The following ARHGEF12 variants were observed in gnomAD, a reference collection of about 807,000 sequenced individuals.
ARHGEF12 encodes the protein Rho guanine nucleotide exchange factor 12.
A neutral mutation model predicts 211.2 loss-of-function variants in ARHGEF12; 66 were observed. The observed-to-expected ratio is 0.31, with a 90% CI of 0.26 to 0.38. ARHGEF12 has a LOEUF of 0.38. ARHGEF12 is among the 10% of genes least tolerant of loss of function. The probability of loss-of-function intolerance (pLI) is 1.00; values close to 1 mark genes in which losing one functional copy is unlikely to be tolerated. For missense variants in ARHGEF12, 1,429 were observed against 1,869.5 expected, an observed-to-expected ratio of 0.76 and a Z score of 4.34; for synonymous variants, 592 against 638.4, an observed-to-expected ratio of 0.93 and a Z score of 1.09.
chr11:120,374,623 A>G (rs1196032149), intron 1 of ARHGEF12, among the ~76,000 whole-genome samples: 1 of 152,202 alleles, frequency 6.6e-6, no homozygotes, highest in Non-Finnish European at 1.5e-5. Context: ...ATTTTACTCT[A>G]ATACAGCATA....
At chr11:120,485,011 A>G in intron 40 of ARHGEF12, 56 bp from the exon 41 acceptor site, 1 of 1,567,120 alleles carries the variant, frequency 6.4e-7, no homozygotes, top group East Asian at 2.3e-5. Context: ...TATTCTTTGC[A>G]ATGTTAGTAT....
At chr11:120,421,711 T>A in intron 5 of ARHGEF12, 92 bp from the exon 6 acceptor site, 1 of 1,239,644 alleles carries the variant, frequency 8.1e-7, no homozygotes, top group Non-Finnish European at 1.2e-6. Context: ...ACAGCCCATG[T>A]TTTTAACCAG....
intron 11 of ARHGEF12, among the ~76,000 whole-genome samples, chr11:120,434,264 C>T (rs1459416618): frequency 6.6e-6 from 1 of 152,064 alleles, no homozygotes; most frequent in Non-Finnish European, 1.5e-5. Flanking sequence ...AGAGGTTGTA[C>T]CCAATGCTTT....
chr11:120,478,331 C>A lies in ARHGEF12; in HGVS notation c.3708C>A (p.Ile1236=), dbSNP rs201932467. The A allele has an allele frequency of 6.2e-7, 1 of 1,614,178 alleles. No individual in the cohort carries two copies. Among genetic ancestry groups the A allele is most frequent in the Non-Finnish European group, 8.5e-7 (1 of 1,180,036 alleles). ...TTGGAGAAGATTATCAAATCGCAATCCCAGATTCACACCTGCCTGTCTCAG... is the reference window on the plus strand; with the variant it reads ...TTGGAGAAGATTATCAAATCGCAATACCAGATTCACACCTGCCTGTCTCAG... ...KEVGEDYQIA[I]PDSHLPVSEE... Residue 1236 remains isoleucine (I), a synonymous_variant, in exon 37 of 41, where the codon ATC becomes ATA. Coordinates refer to ENST00000397843, the MANE Select transcript of ARHGEF12 (RefSeq NM_015313.3).
chr11:120,363,068 C>A (rs967000731), intron 1 of ARHGEF12, among the ~76,000 whole-genome samples: 1 of 151,950 alleles, frequency 6.6e-6, no homozygotes, highest in Non-Finnish European at 1.5e-5. Flanking sequence ...CCACTGCACT[C>A]CAGCCTTGGC....
chr11:120,373,194 A>C (rs1274169020), intron 1 of ARHGEF12, among the ~76,000 whole-genome samples: 1 of 152,228 alleles, frequency 6.6e-6, no homozygotes, highest in Non-Finnish European at 1.5e-5. Flanking sequence ...CATATAAGAT[A>C]TAAAGTGACA....
intron 26 of ARHGEF12, among the ~76,000 whole-genome samples, 183 bp from the exon 27 acceptor site, chr11:120,460,489 A>G (rs1244877678): frequency 6.6e-6 from 1 of 152,146 alleles, no homozygotes; most frequent in African/African-American, 2.4e-5. Flanking sequence ...TGTTTTTCAG[A>G]TAGAGCTTAT....
chr11:120,383,401 T>C (rs1027603694), intron 1 of ARHGEF12, among the ~76,000 whole-genome samples: 5 of 152,198 alleles, frequency 3.3e-5, no homozygotes, highest in African/African-American at 1.2e-4. Context: ...ATTTATTGTC[T>C]ACCTTATTTT....
At chr11:120,362,833 G>GC (rs1249112485) in intron 1 of ARHGEF12, among the ~76,000 whole-genome samples, 1 of 152,188 alleles carries the variant, frequency 6.6e-6, no homozygotes, top group African/African-American at 2.4e-5. Flanking sequence ...AGGCGCAGTG[G>GC]CTCATGCCTG....
At chr11:120,435,486 C>T (rs1591588380) in intron 11 of ARHGEF12, among the ~76,000 whole-genome samples, 1 of 148,950 alleles carries the variant, frequency 6.7e-6, no homozygotes, top group East Asian at 2.0e-4. Context: ...AACATGATTT[C>T]CTTCATTATA....
rs770782868 is a variant in ARHGEF12, at chr11:120,486,907, A to G, written c.*1830A>G. 6.6e-5 allele frequency: 14 copies of G among 212,088 alleles called. No homozygotes were observed. Among genetic ancestry groups the G allele is most frequent in the Non-Finnish European group, 1.1e-4 (12 of 104,726 alleles). The allele number at this position is 212,088 out of a possible 1,614,324, so 13.1% of individuals were successfully genotyped here. ...ATATTTTTAGTCATAAGCCAAGTACAATCTAACTCAGAATGGGATTAAAAA... is the reference window on the plus strand; with the variant it reads ...ATATTTTTAGTCATAAGCCAAGTACGATCTAACTCAGAATGGGATTAAAAA... On this transcript the variant is annotated 3_prime_UTR_variant, in exon 41 of 41. Transcript: ENST00000397843.
Position 120,477,673 on chromosome 11 carries a change from T to C in ARHGEF12, c.3532+147T>C, listed in dbSNP as rs1376249085. 13 of 613,682 alleles carry C rather than the reference T, an allele frequency of 2.1e-5. No homozygotes were observed. In the East Asian group the frequency reaches 3.7e-4, roughly 18 times the overall value. 38.0% of individuals were successfully genotyped at this position (613,682 alleles called of 1,614,324 possible). On this transcript the variant is annotated intron_variant, in intron 36 of 40. Coordinates refer to ENST00000397843, the MANE Select transcript of ARHGEF12 (RefSeq NM_015313.3). ...TGAGGCCAGGAGTTAGAGGCCAACC[T>C]GACCAACATGACAAAACCCTGTCTC... is the stretch of plus-strand genomic sequence containing the variant.
At chr11:120,474,714 AGAG>A in intron 32 of ARHGEF12, 79 bp downstream of exon 32, 2 of 1,116,864 alleles carry the variant, frequency 1.8e-6, no homozygotes, top group Non-Finnish European at 2.6e-6. Flanking sequence ...GACAAAGGGA[AGAG>A]GAGAGAACCA....
rs1198327377 is a variant in ARHGEF12 at position 120,489,189 on chromosome 11, T to G, written c.*4112T>G. Reference sequence around the variant, plus strand: ...GCATCCCTAGCAACAAGGCTAAACCTTCATGACAGTGCTGGCAGGTGGGCT... The same window carrying G: ...GCATCCCTAGCAACAAGGCTAAACCGTCATGACAGTGCTGGCAGGTGGGCT... On this transcript the variant is annotated 3_prime_UTR_variant, in exon 41 of 41. Coordinates refer to ENST00000397843, the MANE Select transcript of ARHGEF12 (RefSeq NM_015313.3). 4.4e-6 allele frequency: 1 copy of G among 227,658 alleles called. No homozygotes were observed. Among genetic ancestry groups the G allele is most frequent in the African/African-American group, 2.2e-5 (1 of 44,982 alleles). The allele number at this position is 227,658 out of a possible 1,614,324, so 14.1% of individuals were successfully genotyped here.
At chr11:120,382,290 G>A (rs906298032) in intron 1 of ARHGEF12, among the ~76,000 whole-genome samples, 9 of 152,176 alleles carry the variant, frequency 5.9e-5, no homozygotes, top group African/African-American at 1.9e-4. Context: ...TGCAGTATGT[G>A]CTCCTTTTTA....
At chr11:120,395,649 C>T (rs977379748) in intron 1 of ARHGEF12, among the ~76,000 whole-genome samples, 3 of 152,134 alleles carry the variant, frequency 2.0e-5, no homozygotes, top group African/African-American at 7.2e-5. Flanking sequence ...GGAGCAAAGT[C>T]ATGTCTTACA....
chr11:120,345,865 A>G (rs907100045), intron 1 of ARHGEF12, among the ~76,000 whole-genome samples: 24 of 152,084 alleles, frequency 1.6e-4, no homozygotes, highest in Non-Finnish European at 3.1e-4. Context: ...AGGGTATAAG[A>G]ATAGTTCTTA....
Position 120,421,725 on chromosome 11 carries a change from G to T in ARHGEF12, c.299-78G>T, listed in dbSNP as rs1205699252. The T allele has an allele frequency of 5.8e-6, 8 of 1,381,926 alleles. No homozygotes were observed. The South Asian group carries it at 8.3e-5, about 14-fold the overall frequency. 85.6% of individuals were successfully genotyped at this position (1,381,926 alleles called of 1,614,324 possible). A position where few individuals can be genotyped will look rare whatever the true frequency, so the allele number is the denominator to read the frequency against. The stretch of plus-strand genomic sequence containing the variant: ...GACAGCCCATGTTTTTAACCAGTTT[G>T]TTATACTGTCTCTCTGTCAGGAAGA... On this transcript the variant is annotated intron_variant, in intron 5 of 40. Coordinates refer to ENST00000397843, the MANE Select transcript of ARHGEF12 (RefSeq NM_015313.3).
At chr11:120,482,910 G>C (rs1274674596) in intron 39 of ARHGEF12, among the ~76,000 whole-genome samples, 1 of 152,042 alleles carries the variant, frequency 6.6e-6, no homozygotes, top group Admixed American at 6.5e-5. Context: ...TCATATAATT[G>C]ATTTTTCCCT....
Sources: gnomAD v4.1 joint callset for allele counts (sites outside exome capture counted in the v4.1 genomes callset) on GRCh38, gnomAD v4.1.1 for gene constraint, MANE v1.5 for transcripts, NCBI Gene and HGNC (gene_info 2026-07-23, HGNC 2026-07-21) for gene names.